Variants in GALNTL6 observed in about 807,000 individuals in gnomAD.
GALNTL6 encodes the protein polypeptide N-acetylgalactosaminyltransferase like 6.
In GALNTL6, 46 loss-of-function variants were observed where a neutral mutation model predicts 73.7. The ratio of observed to expected loss-of-function variants is 0.62; its 90% confidence interval spans 0.49 to 0.80. The LOEUF (loss-of-function observed/expected upper bound fraction) is 0.80, where lower values mean the gene tolerates loss of function less well. Ranked by LOEUF, GALNTL6 falls within the 30% of genes least tolerant of loss-of-function variation. GALNTL6 has a pLI of 0.00. For missense variants in GALNTL6, 604 were observed against 755.0 expected (o/e 0.80, Z 2.34); for synonymous variants, 259 against 263.7 (o/e 0.98, Z 0.17).
At chr4:172,745,981 C>T (rs914594020) in intron 5 of GALNTL6, among the ~76,000 whole-genome samples, 2 of 151,970 alleles carry the variant, frequency 1.3e-5, no homozygotes, top group African/African-American at 4.8e-5. Flanking sequence ...TGCTGCTTAC[C>T]AATCATGTTA....
chr4:172,191,299 T>C (rs9997590), intron 2 of GALNTL6, among the ~76,000 whole-genome samples: 9,807 of 152,268 alleles, frequency 0.064, 515 homozygotes, highest in African/African-American at 0.15. Context: ...TTGCTGCCCT[T>C]GGTCTCCATA....
At chr4:172,211,339 G>A (rs534136802) in intron 2 of GALNTL6, among the ~76,000 whole-genome samples, 35 of 152,252 alleles carry the variant, frequency 2.3e-4, no homozygotes, top group African/African-American at 7.7e-4. Context: ...TACTAATCAT[G>A]TATTTACACG....
rs115159166 is a variant in GALNTL6 at position 172,188,977 on chromosome 4, G to A, written c.139-40679G>A. ...TATGGCTATATCCTTAAATCTCAGC[G>A]AAAGATTGGCATACATGCACATATT... On this transcript the variant is annotated intron_variant, in intron 2 of 12. Coordinates refer to ENST00000506823, the MANE Select transcript of GALNTL6 (RefSeq NM_001034845.3). 3.6e-3 allele frequency among the ~76,000 whole-genome samples: 541 copies of A among 152,294 alleles called. 2 individuals are homozygous for A. The highest frequency in any genetic ancestry group is 5.9e-3 in the Non-Finnish European group (400 of 68,026).
intron 2 of GALNTL6, among the ~76,000 whole-genome samples, chr4:172,202,755 A>G (rs577428968): frequency 6.6e-6 from 1 of 152,334 alleles, no homozygotes; most frequent in African/African-American, 2.4e-5. Flanking sequence ...TGATGTAATG[A>G]ATTATTATGA....
At chr4:172,735,989 G>C (rs1298694194) in intron 5 of GALNTL6, among the ~76,000 whole-genome samples, 5 of 152,132 alleles carry the variant, frequency 3.3e-5, no homozygotes, top group Admixed American at 3.3e-4. Flanking sequence ...TAGGGTGTGG[G>C]TCACAGAGAT....
chr4:172,414,190 G>A (rs1328144555), intron 5 of GALNTL6, among the ~76,000 whole-genome samples: 1 of 151,990 alleles, frequency 6.6e-6, no homozygotes, highest in East Asian at 1.9e-4. Context: ...GTTTAATAGT[G>A]GCTTATCATT....
intron 7 of GALNTL6, among the ~76,000 whole-genome samples, chr4:172,837,218 A>G (rs1280993569): frequency 6.6e-6 from 1 of 152,214 alleles, no homozygotes; most frequent in Non-Finnish European, 1.5e-5. Context: ...AGTTCATCAT[A>G]AAGAATTGTT....
chr4:172,190,026 A>G (rs192850527), intron 2 of GALNTL6, among the ~76,000 whole-genome samples: 2 of 152,312 alleles, frequency 1.3e-5, no homozygotes, highest in East Asian at 3.9e-4. Flanking sequence ...GATGTTATGC[A>G]TGTAGAGTTT....
chr4:171,859,363 C>T (rs1236482770), intron 2 of GALNTL6, among the ~76,000 whole-genome samples: 1 of 151,996 alleles, frequency 6.6e-6, no homozygotes, highest in Non-Finnish European at 1.5e-5. Flanking sequence ...TATTTTTAGG[C>T]TCCCAGAATT....
At chr4:171,827,239 C>T (rs1734848155) in intron 2 of GALNTL6, among the ~76,000 whole-genome samples, 3 of 152,092 alleles carry the variant, frequency 2.0e-5, no homozygotes, top group African/African-American at 7.2e-5. Context: ...TACTTTATTA[C>T]TCTGTGAATA....
chr4:172,528,081 A>G (rs1735022680), intron 5 of GALNTL6, among the ~76,000 whole-genome samples: 1 of 151,842 alleles, frequency 6.6e-6, no homozygotes, highest in African/African-American at 2.4e-5. Context: ...GAAAGTACAG[A>G]GTATTCAATC....
At chr4:172,306,723 C>G (rs1740154406) in intron 3 of GALNTL6, among the ~76,000 whole-genome samples, 1 of 152,174 alleles carries the variant, frequency 6.6e-6, no homozygotes, top group Non-Finnish European at 1.5e-5. Context: ...GTTTGATTTT[C>G]CATTCCTGAG....
Position 171,970,055 on chromosome 4 carries a change from G to A in GALNTL6, c.138+155337G>A, listed in dbSNP as rs958082797. Reference sequence around the variant, plus strand: ...CAAAGTGCTGGAATTACAGGTGTGAGCCACTGCATCAGGCCCAAACCACCT... The same window carrying A: ...CAAAGTGCTGGAATTACAGGTGTGAACCACTGCATCAGGCCCAAACCACCT... On this transcript the variant is annotated intron_variant, in intron 2 of 12. Transcript: ENST00000506823. Among the ~76,000 whole-genome samples, 4 of 152,180 alleles carry A rather than the reference G, an allele frequency of 2.6e-5. No individual in the cohort carries two copies. The South Asian group carries it at 6.2e-4, about 24-fold the overall frequency.
chr4:172,892,612 T>C (rs1373592521), intron 8 of GALNTL6, among the ~76,000 whole-genome samples: 1 of 151,754 alleles, frequency 6.6e-6, no homozygotes, highest in African/African-American at 2.4e-5. Flanking sequence ...ATTCTTTTTT[T>C]TTTTTTTTTT....
intron 12 of GALNTL6, among the ~76,000 whole-genome samples, chr4:173,027,759 C>T (rs1396344395): frequency 1.3e-5 from 2 of 152,146 alleles, no homozygotes; most frequent in Non-Finnish European, 2.9e-5. Context: ...AGAAATAAAA[C>T]AGTCCATTCG....
At chr4:171,872,138 C>A (rs1236470539) in intron 2 of GALNTL6, among the ~76,000 whole-genome samples, 1 of 152,056 alleles carries the variant, frequency 6.6e-6, no homozygotes, top group Non-Finnish European at 1.5e-5. Context: ...GTGCACAGAG[C>A]AAAGCTAATA....
chr4:172,293,931 T>G (rs1578919926), intron 3 of GALNTL6, among the ~76,000 whole-genome samples: 1 of 151,592 alleles, frequency 6.6e-6, no homozygotes, highest in East Asian at 1.9e-4. Context: ...CTTCAACATT[T>G]GTGATATCTA....
intron 3 of GALNTL6, among the ~76,000 whole-genome samples, chr4:172,274,520 G>C (rs571415363): frequency 2.3e-4 from 35 of 152,130 alleles, no homozygotes; most frequent in Non-Finnish European, 3.7e-4. Context: ...GATAATTAAT[G>C]GGTGGTTGTT....
intron 5 of GALNTL6, among the ~76,000 whole-genome samples, chr4:172,528,952 C>CAT (rs765904258): frequency 0.15 from 3,396 of 23,346 alleles, 607 homozygotes; most frequent in African/African-American, 0.25. Context: ...TTCCCAAAGG[C>CAT]ATATATATAT....
Sources: allele counts gnomAD v4.1 joint callset (sites outside exome capture counted in the v4.1 genomes callset), GRCh38; gene constraint gnomAD v4.1.1; transcripts MANE v1.5; gene names NCBI Gene and HGNC (gene_info 2026-07-23, HGNC 2026-07-21).